CAP2: variants seen among roughly 807,000 people sequenced by gnomAD.
The protein encoded by CAP2 is cyclase associated actin cytoskeleton regulatory protein 2.
In CAP2, 24 loss-of-function variants were observed where a neutral mutation model predicts 57.7. The observed-to-expected ratio is 0.42, with a 90% CI of 0.30 to 0.58. The LOEUF is 0.58. Among genes scored for constraint, CAP2 ranks in the 20% least tolerant of loss-of-function variants. The probability of loss-of-function intolerance (pLI) is 0.22; values close to 1 mark genes in which losing one functional copy is unlikely to be tolerated. For synonymous variants in CAP2, 194 were observed against 207.2 expected (o/e 0.94, Z 0.55); for missense variants, 501 against 590.3 (o/e 0.85, Z 1.57).
intron 7 of CAP2, among the ~76,000 whole-genome samples, chr6:17,521,683 G>A (rs1246577196): frequency 2.0e-5 from 3 of 152,140 alleles, no homozygotes; most frequent in African/African-American, 4.8e-5. Flanking sequence ...GATAGAACAG[G>A]GGGAGCAGTG....
At chr6:17,424,243 GA>G (rs1470261878) in intron 2 of CAP2, among the ~76,000 whole-genome samples, 1 of 151,854 alleles carries the variant, frequency 6.6e-6, no homozygotes, top group Admixed American at 6.6e-5. Context: ...TACTAAAAAT[GA>G]AAAAAATTAG....
At chr6:17,493,741 T>C (rs889882920) in intron 4 of CAP2, 5 of 138,976 alleles carry the variant, frequency 3.6e-5, no homozygotes, top group African/African-American at 1.4e-4. Context: ...CACTGAGGAG[T>C]GGAGACCAGA....
intron 3 of CAP2, among the ~76,000 whole-genome samples, chr6:17,450,420 A>G (rs959553935): frequency 6.6e-6 from 1 of 152,186 alleles, no homozygotes; most frequent in Non-Finnish European, 1.5e-5. Context: ...GTTGGATATG[A>G]CATATTTTGG....
At chr6:17,510,510 T>C (rs1002506640) in intron 6 of CAP2, among the ~76,000 whole-genome samples, 1 of 152,144 alleles carries the variant, frequency 6.6e-6, no homozygotes, top group Non-Finnish European at 1.5e-5. Context: ...CGAGAAAACT[T>C]TGGTTAAAAC....
intron 4 of CAP2, among the ~76,000 whole-genome samples, chr6:17,504,663 A>G (rs1761928617): frequency 6.6e-6 from 1 of 152,184 alleles, no homozygotes; most frequent in East Asian, 1.9e-4. Flanking sequence ...ATGTTTCTCA[A>G]ACTTTTAGGC....
chr6:17,428,861 C>G (rs184272323), intron 3 of CAP2, among the ~76,000 whole-genome samples: 22 of 152,294 alleles, frequency 1.4e-4, no homozygotes, highest in Non-Finnish European at 2.8e-4. Flanking sequence ...CAACACCAGT[C>G]TCCCAGGGGA....
intron 4 of CAP2, among the ~76,000 whole-genome samples, chr6:17,478,720 C>T (rs1249102738): frequency 6.6e-6 from 1 of 152,132 alleles, no homozygotes; most frequent in African/African-American, 2.4e-5. Context: ...AACACTCTGT[C>T]CTCCCTGATG....
chr6:17,536,652 G>A (rs1475455320), intron 7 of CAP2, among the ~76,000 whole-genome samples: 1 of 152,066 alleles, frequency 6.6e-6, no homozygotes, highest in Non-Finnish European at 1.5e-5. Context: ...TGAGAGCTAG[G>A]GAACCATCTA....
At position 17,463,033 on chromosome 6, in the gene CAP2, C is replaced by T. The variant is rs1418469640; in HGVS notation, c.260C>T (p.Ala87Val). 6.2e-7 allele frequency: 1 copy of T among 1,614,012 alleles called. No homozygotes were observed. Among genetic ancestry groups the T allele is most frequent in the East Asian group, 2.2e-5 (1 of 44,878 alleles). Residue 87 changes from alanine to valine, a missense_variant, in exon 4 of 13, where the codon GCT becomes GTT. Coordinates refer to ENST00000229922, the MANE Select transcript of CAP2 (RefSeq NM_006366.3). ...MVHSAFQAQRAFLLMASQYQQ... is the reference protein window; with the variant it reads ...MVHSAFQAQRVFLLMASQYQQ... ...CACAGTGCTTTCCAGGCCCAGCGGG[C>T]TTTCCTTCTGATGGCCTCTCAGTAC... is the stretch of plus-strand genomic sequence containing the variant.
intron 3 of CAP2, among the ~76,000 whole-genome samples, chr6:17,430,496 T>C (rs979254247): frequency 1.1e-4 from 16 of 152,026 alleles, no homozygotes; most frequent in African/African-American, 3.9e-4. Context: ...ACCTAGCCCT[T>C]GGTTGGACAT....
chr6:17,457,233 G>T (rs778753885), intron 3 of CAP2, among the ~76,000 whole-genome samples: 1 of 152,194 alleles, frequency 6.6e-6, no homozygotes, highest in African/African-American at 2.4e-5. Context: ...CACAAAGGTT[G>T]CCCAGGCTTT....
chr6:17,538,023 T>G (rs7775675), intron 7 of CAP2, among the ~76,000 whole-genome samples: 1 of 151,974 alleles, frequency 6.6e-6, no homozygotes, highest in East Asian at 1.9e-4. Context: ...GCCGAGATCA[T>G]GCCACTGCAC....
In CAP2 at chr6:17,470,967, A is replaced by G. The variant is rs1330316362; in HGVS notation, c.300+7894A>G. ...ATAGATGTATCTATGTATGTATGCG[A>G]TATTTCAAAATTTCTTTTAACTACA... On this transcript the variant is annotated intron_variant, in intron 4 of 12. Transcript: ENST00000229922. Among the ~76,000 whole-genome samples the G allele has an allele frequency of 2.0e-5, 3 of 152,218 alleles. No individual in the cohort carries two copies. In the East Asian group the frequency reaches 5.8e-4, roughly 29 times the overall value.
chr6:17,436,446 T>G (rs898570549), intron 3 of CAP2, among the ~76,000 whole-genome samples: 3 of 151,874 alleles, frequency 2.0e-5, no homozygotes, highest in Non-Finnish European at 4.4e-5. Context: ...ACAAGGGAAT[T>G]TGAGGAGAGT....
rs189362496 is a variant in CAP2, at chr6:17,545,249, G to A, written c.1209+2106G>A. On this transcript the variant is annotated intron_variant, in intron 11 of 12. Coordinates refer to ENST00000229922, the MANE Select transcript of CAP2 (RefSeq NM_006366.3). ...ATACCACAAACACACCTTAATTTTA[G>A]AGAGTTTATTTCAAGCTCCCTTTCA... is the stretch of plus-strand genomic sequence containing the variant. Among the ~76,000 whole-genome samples the A allele has an allele frequency of 2.6e-5, 4 of 152,228 alleles. 1 individual carries two copies. The highest frequency in any genetic ancestry group is 2.6e-4 in the Admixed American group (4 of 15,298).
At chr6:17,519,599 A>T (rs1762346853) in intron 7 of CAP2, among the ~76,000 whole-genome samples, 1 of 152,122 alleles carries the variant, frequency 6.6e-6, no homozygotes, top group South Asian at 2.1e-4. Flanking sequence ...TTTCAAATGC[A>T]CTTCGTTGAA....
chr6:17,424,182 C>G (rs1206043812), intron 2 of CAP2, among the ~76,000 whole-genome samples: 1 of 152,060 alleles, frequency 6.6e-6, no homozygotes, highest in Non-Finnish European at 1.5e-5. Context: ...GAGCCGATCA[C>G]GAGGTCAGGA....
chr6:17,517,654 A>C (rs1762300735), intron 7 of CAP2, among the ~76,000 whole-genome samples: 1 of 152,138 alleles, frequency 6.6e-6, no homozygotes. Flanking sequence ...TAATCCCAGC[A>C]CTTTGGAAGG....
chr6:17,499,278 A>G (rs1446573889), intron 4 of CAP2, among the ~76,000 whole-genome samples: 2 of 151,378 alleles, frequency 1.3e-5, no homozygotes, highest in African/African-American at 4.8e-5. Flanking sequence ...ACACGCCTGT[A>G]ATCCCAGCAA....
Sources: gnomAD v4.1 joint callset for allele counts (sites outside exome capture counted in the v4.1 genomes callset) on GRCh38, gnomAD v4.1.1 for gene constraint, MANE v1.5 for transcripts, NCBI Gene and HGNC (gene_info 2026-07-23, HGNC 2026-07-21) for gene names.